Variants in ATP2A2 observed in about 807,000 individuals in gnomAD.
ATP2A2 encodes ATPase sarcoplasmic/endoplasmic reticulum Ca2+ transporting 2.
In ATP2A2, 14 loss-of-function variants were observed where a neutral mutation model predicts 109.3. That is an observed-to-expected ratio of 0.13 (90% CI 0.08 to 0.20). ATP2A2 has a LOEUF of 0.20. Among genes scored for constraint, ATP2A2 ranks in the 10% least tolerant of loss-of-function variants. The pLI is 1.00. For missense variants in ATP2A2, 657 were observed against 1,321.6 expected (o/e 0.50, Z 7.80); for synonymous variants, 506 against 490.9 (o/e 1.03, Z -0.41).
chr12:110,321,549 C>T (rs1260836051), intron 5 of ATP2A2, among the ~76,000 whole-genome samples: 1 of 152,190 alleles, frequency 6.6e-6, no homozygotes, highest in African/African-American at 2.4e-5. Flanking sequence ...CGGCTCACTG[C>T]AACCGTCTGA....
rs140022710 is a variant in ATP2A2, at chr12:110,346,057, T to C, written c.2798T>C (p.Val933Ala). Residue 933 changes from valine to alanine, a missense_variant, in exon 19 of 20, where the codon GTG (valine) becomes GCG (alanine). Val to Ala is a moderately conservative substitution (Grantham distance 64, BLOSUM62 0). This residue lies in a region of ATP2A2 where 125 missense variants were observed against 243.5 expected (regional missense o/e 0.51). Coordinates refer to ENST00000539276, the MANE Select transcript of ATP2A2 (RefSeq NM_170665.4). ...CCCCCCTGGGAGAACATCTGGCTCG[T>C]GGGCTCCATCTGCCTGTCCATGTCA... ...RMPPWENIWLVGSICLSMSLH... is the reference protein window; with the variant it reads ...RMPPWENIWLAGSICLSMSLH... The C allele has an allele frequency of 7.4e-6, 12 of 1,614,190 alleles. No individual in the cohort carries two copies. In the East Asian group the frequency reaches 2.0e-4, roughly 27 times the overall value.
At chr12:110,314,214 A>G (rs1876411820) in intron 5 of ATP2A2, among the ~76,000 whole-genome samples, 2 of 151,924 alleles carry the variant, frequency 1.3e-5, no homozygotes. Context: ...TGTAATCCCA[A>G]CTACTTGGGA....
At chr12:110,345,953 C>A (rs758053154) in intron 18 of ATP2A2, 48 bp from the exon 19 acceptor site, 1 of 1,575,404 alleles carries the variant, frequency 6.3e-7, no homozygotes, top group Non-Finnish European at 8.7e-7. Context: ...CACTGTGACA[C>A]GTGCCTTGCC....
rs763621107 is a variant in ATP2A2 at position 110,334,187 on chromosome 12, C to T, written c.1419+44C>T. On this transcript the variant is annotated intron_variant, in intron 11 of 19. Transcript: ENST00000539276. ...TTTATTGTTCATGCTGCTTATCAGT[C>T]GTACTATATATACTTAGTGTCTGCA... 3.8e-5 allele frequency: 61 copies of T among 1,608,982 alleles called. 1 individual carries two copies. Among genetic ancestry groups the T allele is most frequent in the Non-Finnish European group, 4.7e-5 (55 of 1,177,970 alleles).
In ATP2A2 at chr12:110,319,593, G is replaced by A. The variant is rs1178658022; in HGVS notation, c.464-3399G>A. ...ACATGTTGGTTTCCTTATAATGCCA[G>A]TATAAATATAATCTTTCATATACAT... is the stretch of plus-strand genomic sequence containing the variant. On this transcript the variant is annotated intron_variant, in intron 5 of 19. Transcript: ENST00000539276. 2.7e-5 allele frequency among the ~76,000 whole-genome samples: 4 copies of A among 148,910 alleles called. No homozygotes were observed. In the South Asian group the frequency reaches 8.4e-4, roughly 31 times the overall value.
At chr12:110,321,185 G>GCC (rs1229778925) in intron 5 of ATP2A2, among the ~76,000 whole-genome samples, 1 of 152,218 alleles carries the variant, frequency 6.6e-6, no homozygotes, top group Non-Finnish European at 1.5e-5. Context: ...CTGAGATCAT[G>GCC]CCACTGCACT....
intron 8 of ATP2A2, chr12:110,331,731 A>T (rs1307781752): frequency 6.6e-6 from 1 of 152,246 alleles, no homozygotes; most frequent in Admixed American, 6.5e-5. Flanking sequence ...CAGAGAAAGC[A>T]CGAGAAAATA....
intron 5 of ATP2A2, 78 bp downstream of exon 5, chr12:110,296,815 T>A: frequency 6.8e-7 from 1 of 1,471,866 alleles, no homozygotes; most frequent in Non-Finnish European, 9.4e-7. Flanking sequence ...CTCATAATTA[T>A]ATTTAAAATA....
At position 110,319,165 on chromosome 12, in the gene ATP2A2, C is replaced by T. The variant is rs556658337; in HGVS notation, c.464-3827C>T. Among the ~76,000 whole-genome samples, 28 of 144,428 alleles carry T rather than the reference C, an allele frequency of 1.9e-4. No homozygotes were observed. The East Asian group carries it at 5.5e-3, about 29-fold the overall frequency. The allele number at this position is 144,428 out of a possible 152,430, so 94.8% of individuals were successfully genotyped here. On this transcript the variant is annotated intron_variant, in intron 5 of 19. Coordinates refer to ENST00000539276, the MANE Select transcript of ATP2A2 (RefSeq NM_170665.4). ...TCAAGGCTGTAGTTCACCGTGATCA[C>T]GCCAGTATACTCCAGCCTGGGTGAC...
At chr12:110,323,122 C>A in intron 6 of ATP2A2, 50 bp downstream of exon 6, 15 of 1,391,692 alleles carry the variant, frequency 1.1e-5, no homozygotes, top group South Asian at 2.3e-5. Flanking sequence ...TTCGCATATT[C>A]CATGCCAATA....
In ATP2A2 at chr12:110,281,845, A is replaced by T; in HGVS notation, c.56A>T (p.Asn19Ile). ...VEEVLGHFGV[N>I]ESTGLSLEQV... ...GAGGTGCTGGGCCACTTCGGCGTCAACGAGAGTACGGGGCTGAGCCTGGAA... is the reference window on the plus strand; with the variant it reads ...GAGGTGCTGGGCCACTTCGGCGTCATCGAGAGTACGGGGCTGAGCCTGGAA... The change falls in exon 1 of 20, where the codon AAC (asparagine) becomes ATC (isoleucine). Residue 19 changes from asparagine to isoleucine, a missense_variant. By Grantham distance (149) the Asn-to-Ile change is moderately radical. Coordinates refer to ENST00000539276, the MANE Select transcript of ATP2A2 (RefSeq NM_170665.4). 1 of 1,569,262 alleles carries T rather than the reference A, an allele frequency of 6.4e-7. No homozygotes were observed. The highest frequency in any genetic ancestry group is 8.6e-7 in the Non-Finnish European group (1 of 1,159,646).
chr12:110,298,378 G>GT (rs1164907203), intron 5 of ATP2A2, among the ~76,000 whole-genome samples: 2 of 152,202 alleles, frequency 1.3e-5, no homozygotes, highest in African/African-American at 4.8e-5. Flanking sequence ...ATAGTGTTAA[G>GT]AAGAGTACAA....
chr12:110,322,369 C>T (rs1425726254), intron 5 of ATP2A2, among the ~76,000 whole-genome samples: 2 of 151,800 alleles, frequency 1.3e-5, no homozygotes, highest in Non-Finnish European at 2.9e-5. Context: ...GTGGTGTGCA[C>T]CTGTAGTCCT....
rs534981673 is a variant in ATP2A2, at chr12:110,343,514, G to A, written c.2521+80G>A. ...AATTTTGTAAATTCATCCCTTAAAAGCGTGTTTTTTCTTCTATCCCCGTAT... is the reference window on the plus strand; with the variant it reads ...AATTTTGTAAATTCATCCCTTAAAAACGTGTTTTTTCTTCTATCCCCGTAT... On this transcript the variant is annotated intron_variant, in intron 16 of 19. Coordinates refer to ENST00000539276, the MANE Select transcript of ATP2A2 (RefSeq NM_170665.4). 1.3e-5 allele frequency: 20 copies of A among 1,533,924 alleles called. No homozygotes were observed. The African/African-American group carries it at 1.9e-4, about 15-fold the overall frequency.
chr12:110,335,861 G>A (rs1347090713), intron 11 of ATP2A2, among the ~76,000 whole-genome samples: 1 of 152,218 alleles, frequency 6.6e-6, no homozygotes, highest in African/African-American at 2.4e-5. Context: ...CCACCACCCA[G>A]GAAACATCAT....
rs950941452 is a variant in ATP2A2 at position 110,350,073 on chromosome 12, G to A, written c.*3603G>A. The A allele has an allele frequency of 5.6e-6, 8 of 1,438,424 alleles. No individual in the cohort carries two copies. The highest frequency in any genetic ancestry group is 2.6e-4 in the Middle Eastern group (1 of 3,906). 89.1% of individuals were successfully genotyped at this position (1,438,424 alleles called of 1,614,324 possible). On this transcript the variant is annotated 3_prime_UTR_variant, in exon 20 of 20. Coordinates refer to ENST00000539276, the MANE Select transcript of ATP2A2 (RefSeq NM_170665.4). ...CCTTTATTCTGTAGCCAGACGACAC[G>A]AGGAGTCTGTGTCACTGAGCCAGTG... is the stretch of plus-strand genomic sequence containing the variant.
intron 18 of ATP2A2, 53 bp downstream of exon 18, chr12:110,345,435 C>G: frequency 6.2e-7 from 1 of 1,610,886 alleles, no homozygotes; most frequent in Admixed American, 1.7e-5. Flanking sequence ...GCCAGGGCAC[C>G]GGGGAATTGT....
chr12:110,282,906 C>A, intron 3 of ATP2A2, 111 bp downstream of exon 3: 1 of 951,008 alleles, frequency 1.1e-6, no homozygotes, highest in Non-Finnish European at 1.6e-6. Context: ...GAGTTGCAAG[C>A]TGTGTCTCTA....
intron 11 of ATP2A2, among the ~76,000 whole-genome samples, chr12:110,335,729 C>A (rs942065721): frequency 6.6e-6 from 1 of 152,156 alleles, no homozygotes; most frequent in Admixed American, 6.5e-5. Flanking sequence ...ATGGGAACTG[C>A]GGAAGCTGAT....
Sources: allele counts gnomAD v4.1 joint callset (sites outside exome capture counted in the v4.1 genomes callset), GRCh38; gene constraint gnomAD v4.1.1; regional missense constraint gnomAD v4.1.1; transcripts MANE v1.5; gene names NCBI Gene and HGNC (gene_info 2026-07-23, HGNC 2026-07-21).